RABGAP1L: variants seen among roughly 807,000 people sequenced by gnomAD.
RABGAP1L encodes the protein rab GTPase-activating protein 1-like.
In RABGAP1L, 63 loss-of-function variants were observed where a neutral mutation model predicts 137.7. That is an observed-to-expected ratio of 0.46 (90% CI 0.37 to 0.56). The LOEUF (loss-of-function observed/expected upper bound fraction) is 0.56, where lower values mean the gene tolerates loss of function less well. Ranked by LOEUF, RABGAP1L falls within the 20% of genes least tolerant of loss-of-function variation. RABGAP1L has a pLI of 0.00. For synonymous variants in RABGAP1L, 431 were observed against 433.7 expected, an observed-to-expected ratio of 0.99 and a Z score of 0.08; for missense variants, 1,095 against 1,244.0, an observed-to-expected ratio of 0.88 and a Z score of 1.80.
intron 11 of RABGAP1L, among the ~76,000 whole-genome samples, chr1:174,363,073 G>A (rs1684286590): frequency 6.6e-6 from 1 of 151,994 alleles, no homozygotes; most frequent in South Asian, 2.1e-4. Context: ...TTTTTGTCAG[G>A]TTTGTTGCAG....
intron 13 of RABGAP1L, chr1:174,548,198 A>G: frequency 2.8e-6 from 4 of 1,433,404 alleles, no homozygotes; most frequent in Non-Finnish European, 3.6e-6. Flanking sequence ...TCTCAGGGTG[A>G]AGGTAATTAA....
At chr1:174,949,124 T>A (rs1039111267) in intron 19 of RABGAP1L, among the ~76,000 whole-genome samples, 1 of 152,178 alleles carries the variant, frequency 6.6e-6, no homozygotes, top group Non-Finnish European at 1.5e-5. Flanking sequence ...TTGCAAAATA[T>A]AGGCAAAGAG....
chr1:174,418,631 A>G (rs1167884212), intron 13 of RABGAP1L, among the ~76,000 whole-genome samples: 1 of 152,192 alleles, frequency 6.6e-6, no homozygotes, highest in Non-Finnish European at 1.5e-5. Context: ...CAGGGGCACT[A>G]TGATGCTTCA....
chr1:174,281,844 A>T (rs1199994642), intron 10 of RABGAP1L, among the ~76,000 whole-genome samples: 5 of 152,206 alleles, frequency 3.3e-5, no homozygotes, highest in Non-Finnish European at 7.3e-5. Flanking sequence ...CTCACTCTTA[A>T]AAGTTCTATA....
At chr1:174,859,507 A>G (rs908474295) in intron 19 of RABGAP1L, among the ~76,000 whole-genome samples, 2 of 151,936 alleles carry the variant, frequency 1.3e-5, no homozygotes, top group Admixed American at 6.6e-5. Flanking sequence ...TGTGGTACAT[A>G]TATACCATGG....
intron 17 of RABGAP1L, among the ~76,000 whole-genome samples, chr1:174,716,216 T>C (rs904219622): frequency 6.6e-6 from 1 of 152,198 alleles, no homozygotes; most frequent in Non-Finnish European, 1.5e-5. Context: ...AATCCACCGA[T>C]AGGGAGGGCA....
chr1:174,274,600 G>A (rs1438989361), intron 8 of RABGAP1L, among the ~76,000 whole-genome samples: 1 of 127,762 alleles, frequency 7.8e-6, no homozygotes, highest in Non-Finnish European at 1.7e-5. Flanking sequence ...TAAGCAACAG[G>A]TGACTCTGTG....
chr1:174,163,014 G>A (rs1326273285), intron 1 of RABGAP1L, among the ~76,000 whole-genome samples: 5 of 151,484 alleles, frequency 3.3e-5, no homozygotes, highest in South Asian at 2.1e-4. Context: ...TGGGTGCAGC[G>A]CACCAGGTGC....
intron 19 of RABGAP1L, among the ~76,000 whole-genome samples, chr1:174,954,429 C>A (rs1668204219): frequency 6.6e-6 from 1 of 152,094 alleles, no homozygotes; most frequent in Non-Finnish European, 1.5e-5. Flanking sequence ...AAAAATGTTT[C>A]ACTTTGAAAT....
intron 3 of RABGAP1L, among the ~76,000 whole-genome samples, chr1:174,222,648 G>A (rs913420485): frequency 6.0e-5 from 9 of 150,474 alleles, no homozygotes; most frequent in East Asian, 2.2e-4. Flanking sequence ...TTTAAAATGC[G>A]TTACCATCAA....
In RABGAP1L at chr1:174,349,575, G is replaced by C. The variant is rs1356306040; in HGVS notation, c.1466-21404G>C. ...ACCTCCCGGACGGGGCCACTGGCCG[G>C]GCAGGGGGGCTGACCCCCCCCACCT... On this transcript the variant is annotated intron_variant, in intron 11 of 25. Transcript: ENST00000681986. Among the ~76,000 whole-genome samples the C allele has an allele frequency of 5.7e-5, 8 of 140,872 alleles. No homozygotes were observed. The East Asian group carries it at 1.7e-3, about 29-fold the overall frequency. 92.4% of individuals were successfully genotyped at this position (140,872 alleles called of 152,430 possible).
intron 5 of RABGAP1L, among the ~76,000 whole-genome samples, chr1:174,246,717 TC>T (rs1384913390): frequency 6.6e-6 from 1 of 152,176 alleles, no homozygotes; most frequent in Non-Finnish European, 1.5e-5. Context: ...GACTTAAACA[TC>T]TATGCATTTT....
intron 12 of RABGAP1L, among the ~76,000 whole-genome samples, chr1:174,383,619 A>G (rs1025638412): frequency 1.5e-4 from 23 of 152,164 alleles, no homozygotes; most frequent in East Asian, 9.6e-4. Context: ...GCGCTTCCCA[A>G]GTGAGGCAAT....
Position 174,857,276 on chromosome 1 carries a change from C to T in RABGAP1L, c.2340+45316C>T, listed in dbSNP as rs141627692. Among the ~76,000 whole-genome samples the T allele has an allele frequency of 5.9e-5, 9 of 152,322 alleles. No individual in the cohort carries two copies. The East Asian group carries it at 7.7e-4, about 13-fold the overall frequency. ...AGGGCCTGAGAGCCGCCATTTATGACGCTTTGGTTTGTCACACCCTGCACA... is the reference window on the plus strand; with the variant it reads ...AGGGCCTGAGAGCCGCCATTTATGATGCTTTGGTTTGTCACACCCTGCACA... On this transcript the variant is annotated intron_variant, in intron 19 of 25. Coordinates refer to ENST00000681986, the MANE Select transcript of RABGAP1L (RefSeq NM_001366446.1).
chr1:174,813,314 A>T (rs190936536), intron 19 of RABGAP1L, among the ~76,000 whole-genome samples: 1 of 152,258 alleles, frequency 6.6e-6, no homozygotes, highest in East Asian at 1.9e-4. Flanking sequence ...AACCAATAAG[A>T]TTTCCTGATA....
chr1:174,784,908 C>A (rs559581682), intron 18 of RABGAP1L, among the ~76,000 whole-genome samples: 1 of 152,170 alleles, frequency 6.6e-6, no homozygotes, highest in South Asian at 2.1e-4. Flanking sequence ...AGCAACTCCT[C>A]CTTAAATAAA....
chr1:174,351,631 C>G (rs1571356309), intron 11 of RABGAP1L, among the ~76,000 whole-genome samples: 1 of 152,080 alleles, frequency 6.6e-6, no homozygotes, highest in East Asian at 1.9e-4. Context: ...AGATTGACCT[C>G]TGGGTGTTAT....
At chr1:174,683,286 T>C (rs1678221230) in intron 14 of RABGAP1L, among the ~76,000 whole-genome samples, 1 of 151,990 alleles carries the variant, frequency 6.6e-6, no homozygotes, top group African/African-American at 2.4e-5. Context: ...AGCATCTCTT[T>C]ATTTCAAAAT....
chr1:174,352,437 C>G (rs985974797), intron 11 of RABGAP1L, among the ~76,000 whole-genome samples: 1 of 152,060 alleles, frequency 6.6e-6, no homozygotes, highest in Non-Finnish European at 1.5e-5. Context: ...ATTTCAGTCT[C>G]TTTGTTAAAT....
Sources: gnomAD v4.1 joint callset for allele counts (sites outside exome capture counted in the v4.1 genomes callset) on GRCh38, gnomAD v4.1.1 for gene constraint, MANE v1.5 for transcripts, NCBI Gene and HGNC (gene_info 2026-07-23, HGNC 2026-07-21) for gene names.